Variants in RELN observed in about 807,000 individuals in gnomAD.
RELN encodes the protein reelin.
Under a neutral mutation model 427.6 loss-of-function variants are expected in RELN, and 108 were observed. The ratio of observed to expected loss-of-function variants is 0.25; its 90% CI spans 0.22 to 0.30. RELN has a LOEUF of 0.30. Ranked by LOEUF, RELN falls within the 10% of genes least tolerant of loss-of-function variation. The probability of loss-of-function intolerance (pLI) is 1.00; values close to 1 mark genes in which losing one functional copy is unlikely to be tolerated. For synonymous variants in RELN, 1,524 were observed against 1,513.4 expected, an observed-to-expected ratio of 1.01 and a Z score of -0.16; for missense variants, 3,715 against 4,302.8, an observed-to-expected ratio of 0.86 and a Z score of 3.82.
chr7:103,783,342 G>A (rs369052640), intron 3 of RELN, among the ~76,000 whole-genome samples: 4 of 151,678 alleles, frequency 2.6e-5, no homozygotes, highest in African/African-American at 7.2e-5. Context: ...AAAAAAACTC[G>A]CTTCAAAACC....
At chr7:103,478,658 C>T (rs980692827) in intron 63 of RELN, 1 of 326,844 alleles carries the variant, frequency 3.1e-6, no homozygotes, top group African/African-American at 2.1e-5. Flanking sequence ...TGTAGTACTA[C>T]ATTTGGCATA....
intron 1 of RELN, among the ~76,000 whole-genome samples, chr7:103,919,473 A>G (rs1795565693): frequency 6.6e-6 from 1 of 152,100 alleles, no homozygotes; most frequent in African/African-American, 2.4e-5. Flanking sequence ...TCTTTCACAG[A>G]AAGGCTTCCA....
rs182944910 is a variant in RELN at position 103,906,646 on chromosome 7, T to C, written c.337+10429A>G. 1.3e-4 allele frequency among the ~76,000 whole-genome samples: 20 copies of C among 152,208 alleles called. No individual in the cohort carries two copies. The East Asian group carries it at 3.7e-3, about 28-fold the overall frequency. On this transcript the variant is annotated intron_variant, in intron 2 of 64. Transcript: ENST00000428762. ...TTCCTTGGATTCAGCTCATAAAGAG[T>C]TGGACTGGAATTGACATGTCTCAAT...
At position 103,654,086 on chromosome 7, in the gene RELN, T is replaced by C. The variant is rs764139642; in HGVS notation, c.1554+7A>G. ...GGTCTATTTGCCACACAGACTGGCA[T>C]GTGTACCTTATATGAGGAATAGGAA... On this transcript the variant is annotated splice_region_variant and intron_variant, in intron 13 of 64. Transcript: ENST00000428762. The C allele has an allele frequency of 9.3e-6, 14 of 1,501,986 alleles. No homozygotes were observed. The highest frequency in any genetic ancestry group is 3.4e-5 in the Admixed American group (2 of 59,628). 93.0% of individuals were successfully genotyped at this position (1,501,986 alleles called of 1,614,324 possible).
chr7:103,543,607 A>T (rs1287938326), intron 42 of RELN, among the ~76,000 whole-genome samples: 1 of 152,180 alleles, frequency 6.6e-6, no homozygotes, highest in Non-Finnish European at 1.5e-5. Flanking sequence ...AGATTGTGCC[A>T]CTTCACTCCG....
At chr7:103,892,405 G>A (rs1374475031) in intron 2 of RELN, among the ~76,000 whole-genome samples, 1 of 152,080 alleles carries the variant, frequency 6.6e-6, no homozygotes, top group African/African-American at 2.4e-5. Context: ...AAATTAAAAG[G>A]GTGAAAGGGA....
rs1832977345 is a variant in RELN, at chr7:103,654,087, G to A, written c.1554+6C>T. ...GTCTATTTGCCACACAGACTGGCAT[G>A]TGTACCTTATATGAGGAATAGGAAA... On this transcript the variant is annotated splice_donor_region_variant and intron_variant, in intron 13 of 64. Coordinates refer to ENST00000428762, the MANE Select transcript of RELN (RefSeq NM_005045.4). 6.6e-7 allele frequency: 1 copy of A among 1,507,590 alleles called. No homozygotes were observed. The highest frequency in any genetic ancestry group is 9.2e-7 in the Non-Finnish European group (1 of 1,083,406). The allele number at this position is 1,507,590 out of a possible 1,614,324, so 93.4% of individuals were successfully genotyped here. A position where few individuals can be genotyped will look rare whatever the true frequency, so the allele number is the denominator to read the frequency against.
At position 103,566,659 on chromosome 7, in the gene RELN, G is replaced by A. The variant is rs138694965; in HGVS notation, c.4689C>T (p.Asp1563=). ...CAGGTGTCTTCGCGTCCTGTGGCAG[G>A]TCAATGGAAATGATCTGTGGTTCCA... ...SFLEPQIISI[D]LPQDAKTPAT... is the part of the protein sequence containing the mutation. Residue 1563 remains aspartate (D), a synonymous_variant, in exon 32 of 65, where the codon GAC becomes GAT. Transcript: ENST00000428762. 97 of 1,614,022 alleles carry A rather than the reference G, an allele frequency of 6.0e-5. No individual in the cohort carries two copies. Among genetic ancestry groups the A allele is most frequent in the Admixed American group, 1.0e-4 (6 of 59,990 alleles).
intron 1 of RELN, among the ~76,000 whole-genome samples, chr7:103,919,015 T>A (rs192290438): frequency 6.6e-6 from 1 of 152,292 alleles, no homozygotes; most frequent in East Asian, 1.9e-4. Context: ...CAGAATTTTT[T>A]AGGAAAAAAT....
At chr7:103,794,544 C>T (rs906040468) in intron 3 of RELN, among the ~76,000 whole-genome samples, 7 of 152,200 alleles carry the variant, frequency 4.6e-5, no homozygotes, top group African/African-American at 1.7e-4. Flanking sequence ...GTTGCAACAA[C>T]AACAACAAAA....
intron 2 of RELN, among the ~76,000 whole-genome samples, chr7:103,884,907 T>C (rs1002191274): frequency 2.6e-5 from 4 of 152,178 alleles, no homozygotes; most frequent in Admixed American, 1.3e-4. Context: ...GAAATACCAT[T>C]TGACCCAGCA....
chr7:103,760,149 T>C (rs1427082560), intron 4 of RELN, among the ~76,000 whole-genome samples: 1 of 151,872 alleles, frequency 6.6e-6, no homozygotes, highest in East Asian at 1.9e-4. Flanking sequence ...AAAATAAATA[T>C]TATAAACATG....
chr7:103,689,041 A>G lies in RELN; in HGVS notation c.1144-6780T>C, dbSNP rs145329632. On this transcript the variant is annotated intron_variant, in intron 10 of 64. Coordinates refer to ENST00000428762, the MANE Select transcript of RELN (RefSeq NM_005045.4). ...TAAATTCAGTAACTTAGTTACTCTA[A>G]ATCCTTGATATTAGTTTGCAAAATT... 6.0e-4 allele frequency among the ~76,000 whole-genome samples: 92 copies of G among 152,278 alleles called. No individual in the cohort carries two copies. The East Asian group carries it at 0.011, about 18-fold the overall frequency.
At chr7:103,686,833 A>T (rs1833775059) in intron 10 of RELN, among the ~76,000 whole-genome samples, 1 of 152,206 alleles carries the variant, frequency 6.6e-6, no homozygotes, top group Non-Finnish European at 1.5e-5. Context: ...TTAAAATAGA[A>T]AGAGAACGAT....
chr7:103,491,850 TCTCTCTCACACA>T lies in RELN; in HGVS notation c.9443+91_9443+102del, dbSNP rs1301829203. On this transcript the variant is annotated intron_variant, in intron 58 of 64. Coordinates refer to ENST00000428762, the MANE Select transcript of RELN (RefSeq NM_005045.4). ...CTCTCTCTCTCTCTCTCTCTCTCTC[TCTCTCTCACACA>T]CACACACACACACACACACACACAC... 119 of 510,668 alleles carry T rather than the reference TCTCTCTCACACA, an allele frequency of 2.3e-4. 2 individuals are homozygous for T. The highest frequency in any genetic ancestry group is 4.2e-4 in the East Asian group (7 of 16,766). The allele number at this position is 510,668 out of a possible 1,614,324, so 31.6% of individuals were successfully genotyped here. A position where few individuals can be genotyped will look rare whatever the true frequency, so the allele number is the denominator to read the frequency against.
At chr7:103,874,303 G>A (rs1174422025) in intron 2 of RELN, among the ~76,000 whole-genome samples, 4 of 125,906 alleles carry the variant, frequency 3.2e-5, no homozygotes, top group African/African-American at 1.1e-4. Context: ...GCACAAGACA[G>A]GGATGTCCTC....
At chr7:103,794,274 G>A (rs1267310082) in intron 3 of RELN, among the ~76,000 whole-genome samples, 1 of 152,054 alleles carries the variant, frequency 6.6e-6, no homozygotes, top group Non-Finnish European at 1.5e-5. Flanking sequence ...CTGTAGCCAG[G>A]CTCGAAAACT....
At chr7:103,633,861 G>T (rs1416409187) in intron 19 of RELN, among the ~76,000 whole-genome samples, 1 of 151,786 alleles carries the variant, frequency 6.6e-6, no homozygotes, top group Non-Finnish European at 1.5e-5. Context: ...TCTTTTAATG[G>T]TTACTATGGA....
At chr7:103,706,346 A>C (rs1162249600) in intron 8 of RELN, among the ~76,000 whole-genome samples, 5 of 152,206 alleles carry the variant, frequency 3.3e-5, no homozygotes, top group African/African-American at 9.7e-5. Context: ...TGCAGTTCCA[A>C]GCATTCAAAG....
Sources: gnomAD v4.1 joint callset for allele counts (sites outside exome capture counted in the v4.1 genomes callset) on GRCh38, gnomAD v4.1.1 for gene constraint, MANE v1.5 for transcripts, NCBI Gene and HGNC (gene_info 2026-07-23, HGNC 2026-07-21) for gene names.